ARHGAP15: variants seen among roughly 807,000 people sequenced by gnomAD.
ARHGAP15 encodes rho GTPase-activating protein 15.
Under a neutral mutation model 63.7 loss-of-function variants are expected in ARHGAP15, and 51 were observed. The ratio of observed to expected loss-of-function variants is 0.80; its 90% CI spans 0.64 to 1.01. The LOEUF (loss-of-function observed/expected upper bound fraction) is 1.01, where lower values mean the gene tolerates loss of function less well. Ranked by LOEUF, ARHGAP15 falls within the 50% of genes least tolerant of loss-of-function variation. ARHGAP15 has a pLI of 0.00. For synonymous variants in ARHGAP15, 191 were observed against 193.8 expected (o/e 0.99, Z 0.12); for missense variants, 560 against 564.6 (o/e 0.99, Z 0.08).
At chr2:143,251,049 A>G (rs751086477) in intron 6 of ARHGAP15, among the ~76,000 whole-genome samples, 46 of 152,090 alleles carry the variant, frequency 3.0e-4, no homozygotes, top group Non-Finnish European at 5.4e-4. Flanking sequence ...CTGAACAGCT[A>G]TAAAAAATAG....
At chr2:143,587,651 G>A (rs1236518797) in intron 11 of ARHGAP15, 2 of 457,948 alleles carry the variant, frequency 4.4e-6, no homozygotes, top group East Asian at 1.4e-4. Context: ...TGAAGGATGA[G>A]GACCTTCCTT....
chr2:143,415,910 T>C (rs1241432439), intron 6 of ARHGAP15, among the ~76,000 whole-genome samples: 1 of 151,798 alleles, frequency 6.6e-6, no homozygotes, highest in Admixed American at 6.6e-5. Flanking sequence ...CACTCATAAG[T>C]GGGAGCTAAG....
chr2:143,279,682 TC>T (rs1681746498), intron 6 of ARHGAP15, among the ~76,000 whole-genome samples: 1 of 152,200 alleles, frequency 6.6e-6, no homozygotes, highest in Admixed American at 6.5e-5. Flanking sequence ...TACACAATTT[TC>T]CCAACCTATG....
At chr2:143,525,752 C>T (rs1694244753) in intron 10 of ARHGAP15, among the ~76,000 whole-genome samples, 1 of 151,860 alleles carries the variant, frequency 6.6e-6, no homozygotes, top group South Asian at 2.1e-4. Flanking sequence ...TGTAAGAAAG[C>T]CACATTTAGG....
intron 9 of ARHGAP15, among the ~76,000 whole-genome samples, chr2:143,517,331 A>T (rs1250049731): frequency 6.6e-6 from 1 of 152,202 alleles, no homozygotes; most frequent in African/African-American, 2.4e-5. Context: ...TGTTTTCCTA[A>T]GAAATAAATG....
chr2:143,677,477 T>C (rs1056499489), intron 12 of ARHGAP15, among the ~76,000 whole-genome samples: 1 of 152,244 alleles, frequency 6.6e-6, no homozygotes, highest in African/African-American at 2.4e-5. Context: ...TTTCTGTGCC[T>C]TGCATTTTAA....
intron 6 of ARHGAP15, among the ~76,000 whole-genome samples, chr2:143,289,184 G>A (rs1682263347): frequency 6.8e-6 from 1 of 146,974 alleles, no homozygotes; most frequent in Non-Finnish European, 1.5e-5. Context: ...CCAAAAAGGG[G>A]GAAAAATGAA....
At chr2:143,194,058 T>A (rs1691782489) in intron 2 of ARHGAP15, among the ~76,000 whole-genome samples, 1 of 152,202 alleles carries the variant, frequency 6.6e-6, no homozygotes, top group African/African-American at 2.4e-5. Context: ...AGATAGAAAT[T>A]GTTTCTGCCA....
intron 13 of ARHGAP15, among the ~76,000 whole-genome samples, chr2:143,762,702 A>AT (rs112837337): frequency 0.11 from 15,962 of 150,720 alleles, 944 homozygotes; most frequent in East Asian, 0.26. Flanking sequence ...ATTGGCAAGG[A>AT]TTTTTTTTTT....
chr2:143,371,975 T>A (rs1686577800), intron 6 of ARHGAP15, among the ~76,000 whole-genome samples: 1 of 151,656 alleles, frequency 6.6e-6, no homozygotes, highest in Non-Finnish European at 1.5e-5. Flanking sequence ...AACTTACTCA[T>A]GTAACCAAAT....
chr2:143,421,798 A>ATG (rs1483574742), intron 6 of ARHGAP15, among the ~76,000 whole-genome samples: 15 of 15,156 alleles, frequency 9.9e-4, no homozygotes, highest in Admixed American at 4.4e-3. Context: ...ATATATATAT[A>ATG]TATGTGTGTG....
Position 143,477,406 on chromosome 2 carries a change from ATTAT to A in ARHGAP15, c.704-9965_704-9962del, listed in dbSNP as rs529296304. On this transcript the variant is annotated intron_variant, in intron 8 of 13. Coordinates refer to ENST00000295095, the MANE Select transcript of ARHGAP15 (RefSeq NM_018460.4). The stretch of plus-strand genomic sequence containing the variant: ...GATGCAGGATGCCTATCATATTTTA[ATTAT>A]TAATCATATTTTAATCATTAATATT... 4.6e-4 allele frequency among the ~76,000 whole-genome samples: 69 copies of A among 151,380 alleles called. No homozygotes were observed. The South Asian group carries it at 0.014, about 31-fold the overall frequency.
intron 8 of ARHGAP15, among the ~76,000 whole-genome samples, chr2:143,481,864 C>T (rs1229686298): frequency 6.6e-6 from 1 of 152,120 alleles, no homozygotes. Context: ...ATTCTAACTC[C>T]CCTCTGGTGA....
chr2:143,469,614 CTG>C (rs1691418327), intron 8 of ARHGAP15, among the ~76,000 whole-genome samples: 1 of 152,160 alleles, frequency 6.6e-6, no homozygotes, highest in African/African-American at 2.4e-5. Flanking sequence ...CATGCAAACA[CTG>C]AGCATTTGAA....
chr2:143,654,829 C>A (rs1407677149), intron 12 of ARHGAP15, among the ~76,000 whole-genome samples: 2 of 152,100 alleles, frequency 1.3e-5, no homozygotes, highest in Non-Finnish European at 2.9e-5. Context: ...GACAAAAGAA[C>A]AACCAAAAGT....
intron 6 of ARHGAP15, among the ~76,000 whole-genome samples, chr2:143,431,419 GTTTA>G (rs1689384126): frequency 6.6e-6 from 1 of 152,066 alleles, no homozygotes; most frequent in South Asian, 2.1e-4. Context: ...TTTGGAGAAT[GTTTA>G]TTATGTGCTT....
chr2:143,211,529 A>G (rs1692563286), intron 3 of ARHGAP15, among the ~76,000 whole-genome samples: 2 of 152,136 alleles, frequency 1.3e-5, no homozygotes, highest in South Asian at 4.1e-4. Context: ...CCTCGTTATT[A>G]AATAGGAAAA....
At chr2:143,310,131 G>A (rs1683369688) in intron 6 of ARHGAP15, among the ~76,000 whole-genome samples, 2 of 151,892 alleles carry the variant, frequency 1.3e-5, no homozygotes, top group Admixed American at 6.6e-5. Flanking sequence ...CATTGCTTAT[G>A]GTTCTTGATA....
At chr2:143,404,680 T>C (rs1299733773) in intron 6 of ARHGAP15, among the ~76,000 whole-genome samples, 1 of 151,946 alleles carries the variant, frequency 6.6e-6, no homozygotes, top group East Asian at 1.9e-4. Flanking sequence ...CAAACACTTA[T>C]GAATTCCTAC....
Sources: gnomAD v4.1 joint callset for allele counts (sites outside exome capture counted in the v4.1 genomes callset) on GRCh38, gnomAD v4.1.1 for gene constraint, MANE v1.5 for transcripts, NCBI Gene and HGNC (gene_info 2026-07-23, HGNC 2026-07-21) for gene names.